SNX31: variants seen among roughly 807,000 people sequenced by gnomAD.
SNX31 encodes the protein sorting nexin-31.
In SNX31, 58 loss-of-function variants were observed where a neutral mutation model predicts 65.4. That is an observed-to-expected ratio of 0.89 (90% CI 0.72 to 1.10). The LOEUF (loss-of-function observed/expected upper bound fraction) is 1.10, where lower values mean the gene tolerates loss of function less well. Ranked by LOEUF, SNX31 falls within the 50% of genes least tolerant of loss-of-function variation. The pLI, the probability that SNX31 is intolerant of heterozygous loss-of-function variation, is 0.00. For missense variants in SNX31, 523 were observed against 529.7 expected, an observed-to-expected ratio of 0.99 and a Z score of 0.12; for synonymous variants, 181 against 190.1, an observed-to-expected ratio of 0.95 and a Z score of 0.39.
rs548613299 is a variant in SNX31 at position 100,634,756 on chromosome 8, TA to T, written c.256+1140del. Among the ~76,000 whole-genome samples, 181 of 141,526 alleles carry T rather than the reference TA, an allele frequency of 1.3e-3. 2 individuals are homozygous for T. The highest frequency in any genetic ancestry group is 3.4e-3 in the Admixed American group (48 of 14,164). The allele number at this position is 141,526 out of a possible 152,430, so 92.8% of individuals were successfully genotyped here. The stretch of plus-strand genomic sequence containing the variant: ...AGAGCGAGACTCTGTCTCTCTGTCT[TA>T]AAAAAAAAAAATTAAATATTGGGTG... On this transcript the variant is annotated intron_variant, in intron 3 of 13. Transcript: ENST00000311812.
chr8:100,649,186 G>T, intron 2 of SNX31, 88 bp downstream of exon 2: 2 of 1,342,558 alleles, frequency 1.5e-6, no homozygotes, highest in Admixed American at 1.8e-5. Context: ...CCAGTGTCTT[G>T]CCAGAGTCAG....
In SNX31 at chr8:100,596,123, CT is replaced by C. The variant is rs960058955; in HGVS notation, c.978+515del. 5.9e-5 allele frequency among the ~76,000 whole-genome samples: 9 copies of C among 152,302 alleles called. No individual in the cohort carries two copies. In the East Asian group the frequency reaches 1.3e-3, roughly 23 times the overall value. ...TTCCTGTGTAAAGAGGATAACACCA[CT>C]TAGCTCACTGGGGTCTTATAGGCTG... On this transcript the variant is annotated intron_variant, in intron 10 of 13. Transcript: ENST00000311812.
rs565654018 is a variant in SNX31 at position 100,573,556 on chromosome 8, T to C, written c.*309A>G. ...TAGAGAAAAAATAGAATGAGTTTTA[T>C]ATGAGTTGATTTGAATTTGCCACTT... On this transcript the variant is annotated 3_prime_UTR_variant, in exon 14 of 14. Transcript: ENST00000311812. 4 of 201,900 alleles carry C rather than the reference T, an allele frequency of 2.0e-5. No individual in the cohort carries two copies. The highest frequency in any genetic ancestry group is 2.2e-4 in the East Asian group (2 of 9,206). The allele number at this position is 201,900 out of a possible 1,614,324, so 12.5% of individuals were successfully genotyped here.
intron 13 of SNX31, among the ~76,000 whole-genome samples, chr8:100,574,362 A>C (rs1262024475): frequency 6.6e-6 from 1 of 152,226 alleles, no homozygotes; most frequent in Non-Finnish European, 1.5e-5. Flanking sequence ...GGCCAGGCGC[A>C]GTGGCTCATG....
chr8:100,610,965 C>A lies in SNX31; in HGVS notation c.611+1035G>T, dbSNP rs770204765. On this transcript the variant is annotated intron_variant, in intron 7 of 13. Coordinates refer to ENST00000311812, the MANE Select transcript of SNX31 (RefSeq NM_152628.4). The surrounding 1 kb of genome is among the most constrained non-coding windows in gnomAD (Gnocchi z 4.0). Reference sequence around the variant, plus strand: ...AATCCCCTGCAGCCACGGTAATAAACACTGGGAGCTGCAGGTTATAGGACT... The same window carrying A: ...AATCCCCTGCAGCCACGGTAATAAAAACTGGGAGCTGCAGGTTATAGGACT... Among the ~76,000 whole-genome samples the A allele has an allele frequency of 6.6e-6, 1 of 152,200 alleles. No individual in the cohort carries two copies. The highest frequency in any genetic ancestry group is 1.5e-5 in the Non-Finnish European group (1 of 68,024).
In SNX31 at chr8:100,630,354, G is replaced by A. The variant is rs1255955211; in HGVS notation, c.294C>T (p.Phe98=). 6 of 1,613,198 alleles carry A rather than the reference G, an allele frequency of 3.7e-6. No homozygotes were observed. The highest frequency in any genetic ancestry group is 3.4e-5 in the Admixed American group (2 of 59,680). Residue 98 remains phenylalanine, a synonymous_variant, in exon 4 of 14, where the codon TTC becomes TTT. Coordinates refer to ENST00000311812, the MANE Select transcript of SNX31 (RefSeq NM_152628.4). The surrounding 1 kb of genome is among the most constrained non-coding windows in gnomAD (Gnocchi z 5.3). ...MDPNVLRSDV[F]VEFLKLAQLN... The stretch of plus-strand genomic sequence containing the variant: ...GCTGCGCCAGTTTTAAAAACTCAAC[G>A]AAGACATCACTTCTCAACACGTTTG...
chr8:100,583,270 T>C (rs1022875515), intron 12 of SNX31, among the ~76,000 whole-genome samples: 3 of 151,748 alleles, frequency 2.0e-5, no homozygotes, highest in African/African-American at 7.3e-5. Flanking sequence ...CCACACCCAG[T>C]TAATTTCGTA....
chr8:100,654,648 G>A (rs77368120), upstream of SNX31, among the ~76,000 whole-genome samples: 2 of 152,246 alleles, frequency 1.3e-5, no homozygotes, highest in Non-Finnish European at 2.9e-5. Context: ...CTGCTGAGAA[G>A]CACACGTCCC....
In SNX31 at chr8:100,629,578, C is replaced by T. The variant is rs1818284050; in HGVS notation, c.321+749G>A. ...AGTAAATGAATGAATGAAATGTGTT[C>T]TCATTTTTGCAAATCTGATCATTCC... On this transcript the variant is annotated intron_variant, in intron 4 of 13. Coordinates refer to ENST00000311812, the MANE Select transcript of SNX31 (RefSeq NM_152628.4). The surrounding 1 kb of genome is among the most constrained non-coding windows in gnomAD (Gnocchi z 5.1). Among the ~76,000 whole-genome samples, 1 of 152,144 alleles carries T rather than the reference C, an allele frequency of 6.6e-6. No homozygotes were observed. Among genetic ancestry groups the T allele is most frequent in the African/African-American group, 2.4e-5 (1 of 41,428 alleles).
At chr8:100,659,353 CAAAAAAA>C (rs148671568) in intron 1 of SNX31, among the ~76,000 whole-genome samples, 1 of 71,420 alleles carries the variant, frequency 1.4e-5, no homozygotes, top group Non-Finnish European at 2.8e-5. Flanking sequence ...AACTCCATCA[CAAAAAAA>C]AAAAAAAAAA....
intron 12 of SNX31, among the ~76,000 whole-genome samples, chr8:100,579,847 G>T (rs761333800): frequency 6.6e-6 from 1 of 152,082 alleles, no homozygotes; most frequent in Non-Finnish European, 1.5e-5. Flanking sequence ...TACAAACTAG[G>T]TATAGATTAT....
upstream of SNX31, among the ~76,000 whole-genome samples, chr8:100,650,235 A>T (rs756661930): frequency 6.6e-6 from 1 of 152,210 alleles, no homozygotes. Flanking sequence ...TCTCTATTTT[A>T]GTTAAATGAA....
intron 1 of SNX31, among the ~76,000 whole-genome samples, chr8:100,654,926 T>C (rs1820032530): frequency 6.6e-6 from 1 of 152,098 alleles, no homozygotes; most frequent in South Asian, 2.1e-4. Flanking sequence ...GGCAGGAGAA[T>C]TGCCTGAACC....
chr8:100,591,382 G>A (rs1195795803), intron 10 of SNX31, among the ~76,000 whole-genome samples: 2 of 151,820 alleles, frequency 1.3e-5, no homozygotes, highest in African/African-American at 2.4e-5. Flanking sequence ...GTAGCTACTC[G>A]GGAGGCTGAG....
intron 10 of SNX31, among the ~76,000 whole-genome samples, chr8:100,590,491 A>G (rs1449693272): frequency 6.6e-6 from 1 of 151,978 alleles, no homozygotes; most frequent in Non-Finnish European, 1.5e-5. Flanking sequence ...TAAAACATGA[A>G]TTGGAGGCTG....
At position 100,594,508 on chromosome 8, in the gene SNX31, A is replaced by T. The variant is rs1330762638; in HGVS notation, c.978+2131T>A. 6.6e-6 allele frequency among the ~76,000 whole-genome samples: 1 copy of T among 152,252 alleles called. No homozygotes were observed. Among genetic ancestry groups the T allele is most frequent in the Non-Finnish European group, 1.5e-5 (1 of 68,036 alleles). On this transcript the variant is annotated intron_variant, in intron 10 of 13. Coordinates refer to ENST00000311812, the MANE Select transcript of SNX31 (RefSeq NM_152628.4). The surrounding 1 kb of genome is among the most constrained non-coding windows in gnomAD (Gnocchi z 4.0). Reference sequence around the variant, plus strand: ...AAAGATATGAGAAGACATTTTACCAAAGAAGATATACAGATGGCAAATAAA... The same window carrying T: ...AAAGATATGAGAAGACATTTTACCATAGAAGATATACAGATGGCAAATAAA...
intron 2 of SNX31, among the ~76,000 whole-genome samples, chr8:100,643,633 G>C (rs974603122): frequency 3.9e-5 from 6 of 152,096 alleles, no homozygotes; most frequent in African/African-American, 1.4e-4. Flanking sequence ...AGCAACCCCA[G>C]ACTCAGGGAG....
In SNX31 at chr8:100,578,684, T is replaced by TTTTTATTTTATTTTA. The variant is rs138548509; in HGVS notation, c.1171-1624_1171-1610dup. Among the ~76,000 whole-genome samples, 1,327 of 145,448 alleles carry TTTTTATTTTATTTTA rather than the reference T, an allele frequency of 9.1e-3. 10 individuals carry two copies. Among genetic ancestry groups the TTTTTATTTTATTTTA allele is most frequent in the African/African-American group, 0.019 (723 of 38,784 alleles). On this transcript the variant is annotated intron_variant, in intron 12 of 13. Transcript: ENST00000311812. The surrounding 1 kb of genome is among the most constrained non-coding windows in gnomAD (Gnocchi z 4.7). The stretch of plus-strand genomic sequence containing the variant: ...ACATATTTAAGCCTATTTCAATGAT[T>TTTTTATTTTATTTTA]TTTTATTTTATTTTATTTTATTTTA...
upstream of SNX31, among the ~76,000 whole-genome samples, chr8:100,650,273 T>C (rs1050272256): frequency 2.0e-5 from 3 of 152,362 alleles, no homozygotes; most frequent in Non-Finnish European, 4.4e-5. Flanking sequence ...CTTGCCGTGA[T>C]CACAGAGCAC....
Sources: allele counts gnomAD v4.1 joint callset (sites outside exome capture counted in the v4.1 genomes callset), GRCh38; gene constraint gnomAD v4.1.1; non-coding constraint Gnocchi (gnomAD v3.1); transcripts MANE v1.5; gene names NCBI Gene and HGNC (gene_info 2026-07-23, HGNC 2026-07-21).